SNTG2: variants seen among roughly 807,000 people sequenced by gnomAD.
SNTG2 encodes syntrophin gamma 2, also known as gamma-2-syntrophin.
In SNTG2, 74 loss-of-function variants were observed where a neutral mutation model predicts 70.9. That is an observed-to-expected ratio of 1.04 (90% CI 0.86 to 1.27). The LOEUF (loss-of-function observed/expected upper bound fraction) is 1.27. Ranked by LOEUF, SNTG2 falls within the 50% of genes most tolerant of loss-of-function variation. The pLI, the probability that SNTG2 is intolerant of heterozygous loss-of-function variation, is 0.00. For missense variants in SNTG2, 717 were observed against 690.7 expected, an observed-to-expected ratio of 1.04 and a Z score of -0.43; for synonymous variants, 278 against 273.8, an observed-to-expected ratio of 1.02 and a Z score of -0.15.
intron 6 of SNTG2, among the ~76,000 whole-genome samples, chr2:1,165,039 A>G (rs1175611335): frequency 1.3e-5 from 2 of 152,248 alleles, no homozygotes. Context: ...GAGGTGACTG[A>G]AACAGTTTGT....
intron 4 of SNTG2, among the ~76,000 whole-genome samples, chr2:1,100,599 C>T (rs1285065928): frequency 5.3e-5 from 8 of 152,306 alleles, no homozygotes; most frequent in Admixed American, 1.3e-4. Context: ...GGATTCCACA[C>T]GGGCGCCGTG....
chr2:965,722 T>A (rs1378394363), intron 1 of SNTG2, among the ~76,000 whole-genome samples: 1 of 150,626 alleles, frequency 6.6e-6, no homozygotes, highest in Admixed American at 6.6e-5. Flanking sequence ...GGGTGGGGGG[T>A]TTCCTTCTGT....
chr2:1,053,718 C>G (rs1432048125), intron 1 of SNTG2, among the ~76,000 whole-genome samples: 1 of 152,164 alleles, frequency 6.6e-6, no homozygotes, highest in Non-Finnish European at 1.5e-5. Context: ...TGTGGTGACT[C>G]TGGTTCTTGA....
intron 16 of SNTG2, among the ~76,000 whole-genome samples, chr2:1,324,768 A>G (rs1217680407): frequency 7.2e-5 from 11 of 152,216 alleles, no homozygotes; most frequent in South Asian, 4.1e-4. Context: ...AAGTGCAGCA[A>G]TAATAATGAC....
intron 2 of SNTG2, among the ~76,000 whole-genome samples, chr2:1,084,442 C>T (rs2148174781): frequency 6.6e-6 from 1 of 152,304 alleles, no homozygotes; most frequent in Admixed American, 6.5e-5. Context: ...TGGAGCCCCT[C>T]CTTCTGTGGC....
chr2:1,295,292 C>T (rs192047900), intron 14 of SNTG2, among the ~76,000 whole-genome samples: 16 of 152,312 alleles, frequency 1.1e-4, no homozygotes, highest in African/African-American at 3.4e-4. Flanking sequence ...CTTGAGGATC[C>T]GCCTCCTGTC....
At chr2:1,279,648 T>G (rs1679434871) in intron 14 of SNTG2, among the ~76,000 whole-genome samples, 1 of 152,234 alleles carries the variant, frequency 6.6e-6, no homozygotes, top group Admixed American at 6.5e-5. Context: ...GTACCGCATC[T>G]CTGATGTGCT....
chr2:1,217,681 TTG>T (rs1404463569), intron 9 of SNTG2, among the ~76,000 whole-genome samples: 1 of 152,128 alleles, frequency 6.6e-6, no homozygotes, highest in Non-Finnish European at 1.5e-5. Context: ...ATGTAGTACA[TTG>T]TATGTAGAAA....
intron 9 of SNTG2, among the ~76,000 whole-genome samples, chr2:1,235,062 TCA>T (rs1676519592): frequency 6.6e-6 from 1 of 152,236 alleles, no homozygotes; most frequent in Non-Finnish European, 1.5e-5. Flanking sequence ...TCACACGCCC[TCA>T]CGCGCAACCA....
At chr2:985,046 A>G (rs1446312240) in intron 1 of SNTG2, among the ~76,000 whole-genome samples, 1 of 152,182 alleles carries the variant, frequency 6.6e-6, no homozygotes, top group African/African-American at 2.4e-5. Flanking sequence ...TTTTCCCCAA[A>G]AACAATCACC....
intron 1 of SNTG2, among the ~76,000 whole-genome samples, chr2:1,069,346 A>AT (rs1380647717): frequency 6.6e-6 from 1 of 151,992 alleles, no homozygotes; most frequent in African/African-American, 2.4e-5. Flanking sequence ...AATGAAAAAA[A>AT]AAAAAACCTC....
intron 16 of SNTG2, among the ~76,000 whole-genome samples, chr2:1,357,588 T>C (rs1304868954): frequency 6.6e-6 from 1 of 152,136 alleles, no homozygotes; most frequent in Admixed American, 6.5e-5. Context: ...TTGACAAAGA[T>C]TGATGTTAAT....
At chr2:1,172,055 T>C (rs1210693884) in intron 7 of SNTG2, among the ~76,000 whole-genome samples, 1 of 152,216 alleles carries the variant, frequency 6.6e-6, no homozygotes, top group Non-Finnish European at 1.5e-5. Context: ...CACCAGGCTT[T>C]CTTCAGCTTC....
chr2:975,503 G>A (rs549159538), intron 1 of SNTG2, among the ~76,000 whole-genome samples: 2 of 152,232 alleles, frequency 1.3e-5, no homozygotes, highest in African/African-American at 4.8e-5. Context: ...TCTGGGGCAA[G>A]GAGTATTGAG....
intron 8 of SNTG2, among the ~76,000 whole-genome samples, chr2:1,188,714 C>T (rs1260276332): frequency 1.3e-5 from 2 of 152,138 alleles, no homozygotes; most frequent in African/African-American, 4.8e-5. Flanking sequence ...AAAACTTAAT[C>T]TACTGTCTCC....
At chr2:970,501 G>A (rs9711968) in intron 1 of SNTG2, among the ~76,000 whole-genome samples, 1 of 141,918 alleles carries the variant, frequency 7.0e-6, no homozygotes, top group Non-Finnish European at 1.5e-5. Context: ...TCCCACCTAT[G>A]AGTGAGAATA....
intron 6 of SNTG2, among the ~76,000 whole-genome samples, chr2:1,156,480 A>G (rs1175466634): frequency 6.6e-6 from 1 of 152,164 alleles, no homozygotes; most frequent in Non-Finnish European, 1.5e-5. Context: ...TAGGGAGGGA[A>G]AACAGGTTGA....
At chr2:1,222,021 GTCTCTGCCTATCTCTGTCTC>G (rs1675096269) in intron 9 of SNTG2, among the ~76,000 whole-genome samples, 3 of 41,818 alleles carry the variant, frequency 7.2e-5, no homozygotes, top group Non-Finnish European at 7.1e-5. Flanking sequence ...GTCTCTCTCT[GTCTCTGCCTATCTCTGTCTC>G]TCTCTGTCTC....
chr2:1,319,490 G>T (rs913466281), intron 16 of SNTG2, among the ~76,000 whole-genome samples: 1 of 152,162 alleles, frequency 6.6e-6, no homozygotes, highest in Admixed American at 6.5e-5. Context: ...TCTCAGAGCC[G>T]CCCAAGGCCC....
Sources: allele counts gnomAD v4.1 joint callset (sites outside exome capture counted in the v4.1 genomes callset), GRCh38; gene constraint gnomAD v4.1.1; transcripts MANE v1.5; gene names NCBI Gene and HGNC (gene_info 2026-07-23, HGNC 2026-07-21).